Variants in TENM2 observed in about 807,000 individuals in gnomAD.
The protein encoded by TENM2 is teneurin transmembrane protein 2, also known as teneurin-2.
A neutral mutation model predicts 245.2 loss-of-function variants in TENM2; 52 were observed. The observed-to-expected ratio is 0.21, with a 90% confidence interval of 0.17 to 0.27. TENM2 has a LOEUF of 0.27. Among genes scored for constraint, TENM2 ranks in the 10% least tolerant of loss-of-function variants. TENM2 has a pLI of 1.00. For synonymous variants in TENM2, 1,363 were observed against 1,438.9 expected, an observed-to-expected ratio of 0.95 and a Z score of 1.19; for missense variants, 3,046 against 3,666.8, an observed-to-expected ratio of 0.83 and a Z score of 4.37.
intron 3 of TENM2, among the ~76,000 whole-genome samples, chr5:167,890,675 C>T (rs1414638164): frequency 5.3e-5 from 8 of 152,066 alleles, no homozygotes; most frequent in Non-Finnish European, 8.8e-5. Flanking sequence ...AGAGACTGCC[C>T]GTTTGAGATC....
At chr5:167,412,878 C>CAAA (rs35434897) in intron 2 of TENM2, among the ~76,000 whole-genome samples, 5 of 137,406 alleles carry the variant, frequency 3.6e-5, no homozygotes, top group Admixed American at 7.1e-5. Flanking sequence ...TCATCGAAAG[C>CAAA]AAAAAAAAAA....
upstream of TENM2, among the ~76,000 whole-genome samples, chr5:167,282,464 A>G (rs1771117450): frequency 6.6e-6 from 1 of 152,226 alleles, no homozygotes; most frequent in Non-Finnish European, 1.5e-5. Context: ...AATCATTCAG[A>G]GGAGAATAAA....
intron 2 of TENM2, among the ~76,000 whole-genome samples, chr5:167,528,766 A>AT (rs1771288608): frequency 6.6e-6 from 1 of 152,160 alleles, no homozygotes; most frequent in Admixed American, 6.5e-5. Flanking sequence ...CATATCTTAA[A>AT]ATAATCTCTG....
intron 2 of TENM2, among the ~76,000 whole-genome samples, chr5:167,407,101 A>T (rs991351741): frequency 2.6e-5 from 4 of 152,168 alleles, no homozygotes; most frequent in African/African-American, 4.8e-5. Context: ...TGCAGTTGAA[A>T]TATACCACCT....
At chr5:167,726,166 G>T (rs891893858) in intron 2 of TENM2, among the ~76,000 whole-genome samples, 1 of 151,982 alleles carries the variant, frequency 6.6e-6, no homozygotes, top group Non-Finnish European at 1.5e-5. Flanking sequence ...AATGTTTCTT[G>T]AATTTAAAAG....
chr5:168,226,277 C>T lies in TENM2; in HGVS notation c.5284+14C>T, dbSNP rs1764175067. 3.7e-6 allele frequency: 6 copies of T among 1,609,144 alleles called. No homozygotes were observed. Among genetic ancestry groups the T allele is most frequent in the Non-Finnish European group, 5.1e-6 (6 of 1,176,834 alleles). On this transcript the variant is annotated intron_variant, in intron 24 of 28. Coordinates refer to ENST00000518659, the Ensembl canonical transcript of TENM2. ...CAGTGGTACAAGGTGAGCCTCCACC[C>T]ATACCATCCTACCCCCAAACTCACC... is the stretch of plus-strand genomic sequence containing the variant.
chr5:167,273,008 G>GCA, the TENM2 span, among the ~76,000 whole-genome samples: 107 of 151,682 alleles, frequency 7.1e-4, no homozygotes, highest in African/African-American at 2.4e-3. Context: ...ATATACAATA[G>GCA]CACACACACA....
At chr5:168,261,900 T>G in intron 28 of TENM2, 149 bp from the exon 31 acceptor site, 1 of 712,896 alleles carries the variant, frequency 1.4e-6, no homozygotes. Flanking sequence ...CAACCATAGT[T>G]CCAAAAGGTA....
In TENM2 at chr5:167,387,730, G is replaced by A. The variant is rs116956089; in HGVS notation, c.502+12257G>A. Among the ~76,000 whole-genome samples, 1,035 of 152,158 alleles carry A rather than the reference G, an allele frequency of 6.8e-3. 3 individuals are homozygous for A. Among genetic ancestry groups the A allele is most frequent in the South Asian group, 0.023 (109 of 4,826 alleles). On this transcript the variant is annotated intron_variant, in intron 2 of 28. Coordinates refer to ENST00000518659, the Ensembl canonical transcript of TENM2. ...TTGCTGAGAGTTTTAATCATAAAGC[G>A]ATGCTGGGTTTTTTCGAATGTTTTT...
At chr5:167,612,579 T>C (rs1477605663) in intron 2 of TENM2, among the ~76,000 whole-genome samples, 1 of 152,174 alleles carries the variant, frequency 6.6e-6, no homozygotes, top group Non-Finnish European at 1.5e-5. Flanking sequence ...TAAAAGGTTG[T>C]AAATGTCAAA....
At chr5:168,103,827 A>G (rs1286438473) in intron 9 of TENM2, among the ~76,000 whole-genome samples, 1 of 152,148 alleles carries the variant, frequency 6.6e-6, no homozygotes, top group Non-Finnish European at 1.5e-5. Context: ...GTCACTCACA[A>G]ACAACTTTTG....
intron 1 of TENM2, among the ~76,000 whole-genome samples, chr5:167,356,217 A>AAAAAAAAAAAAAAAAAAATT (rs1759321624): frequency 7.7e-6 from 1 of 129,104 alleles, no homozygotes; most frequent in African/African-American, 3.2e-5. Context: ...AAAAAAAAAA[A>AAAAAAAAAAAAAAAAAAATT]AAAATTAAAA....
intron 3 of TENM2, among the ~76,000 whole-genome samples, chr5:167,945,699 T>C (rs1158406095): frequency 6.6e-6 from 1 of 152,236 alleles, no homozygotes; most frequent in African/African-American, 2.4e-5. Flanking sequence ...GCATTCGGAA[T>C]GTTTTTCTCT....
intron 2 of TENM2, among the ~76,000 whole-genome samples, chr5:167,677,576 A>G (rs562251351): frequency 6.6e-6 from 1 of 151,548 alleles, no homozygotes; most frequent in East Asian, 1.9e-4. Context: ...TTATTTTTCA[A>G]CTTTTATTCA....
chr5:167,934,573 G>A (rs1169287710), intron 3 of TENM2, among the ~76,000 whole-genome samples: 1 of 152,170 alleles, frequency 6.6e-6, no homozygotes, highest in African/African-American at 2.4e-5. Flanking sequence ...GATGTAACAC[G>A]ATGAAAGCTG....
intron 13 of TENM2, among the ~76,000 whole-genome samples, chr5:168,182,075 T>C (rs1203588011): frequency 1.3e-5 from 2 of 152,210 alleles, no homozygotes; most frequent in African/African-American, 4.8e-5. Context: ...AGGGTATTAA[T>C]GGCAGGTGAA....
chr5:167,996,516 T>G (rs1299738334), intron 5 of TENM2, among the ~76,000 whole-genome samples: 1 of 152,190 alleles, frequency 6.6e-6, no homozygotes, highest in East Asian at 1.9e-4. Flanking sequence ...GAAGGTGTCT[T>G]TCTTCTTCAG....
intron 2 of TENM2, among the ~76,000 whole-genome samples, chr5:167,816,612 A>G (rs1344087257): frequency 1.3e-5 from 2 of 152,182 alleles, no homozygotes. Context: ...CCAGTGAGAC[A>G]CAACTTCACC....
the TENM2 span, among the ~76,000 whole-genome samples, chr5:167,099,369 A>ATTT: frequency 6.6e-6 from 1 of 152,220 alleles, no homozygotes; most frequent in East Asian, 1.9e-4. Context: ...AATAATAATT[A>ATTT]TATTGCAGCT....
Sources: gnomAD v4.1 joint callset for allele counts (sites outside exome capture counted in the v4.1 genomes callset) on GRCh38, gnomAD v4.1.1 for gene constraint, MANE v1.5 for transcripts, NCBI Gene and HGNC (gene_info 2026-07-23, HGNC 2026-07-21) for gene names.